KDM5B: variants seen among roughly 807,000 people sequenced by gnomAD.
The protein encoded by KDM5B is lysine demethylase 5B.
KDM5B carries 144 observed loss-of-function variants against 193.4 expected under a neutral mutation model. The ratio of observed to expected loss-of-function variants is 0.74; its 90% confidence interval spans 0.65 to 0.86. KDM5B has a LOEUF of 0.86. KDM5B is among the 40% of genes least tolerant of loss of function. The pLI is 0.00. For synonymous variants in KDM5B, 668 were observed against 682.6 expected (o/e 0.98, Z 0.33); for missense variants, 1,833 against 1,886.9 (o/e 0.97, Z 0.53).
chr1:202,748,869 ATGATAT>A lies in KDM5B; in HGVS notation c.2016+70_2016+75del. The A allele has an allele frequency of 4.2e-6, 5 of 1,179,646 alleles. No homozygotes were observed. The South Asian group carries it at 7.5e-5, about 18-fold the overall frequency. The allele number at this position is 1,179,646 out of a possible 1,614,324, so 73.1% of individuals were successfully genotyped here. ...ATAGGCTTTAAAAAGACTGCTTAAA[ATGATAT>A]TAAAGTGCGTAAAAATTTTACTAAA... On this transcript the variant is annotated intron_variant, in intron 14 of 26. Coordinates refer to ENST00000367265, the MANE Select transcript of KDM5B (RefSeq NM_006618.5).
chr1:202,804,085 A>T (rs1326380549), intron 1 of KDM5B, among the ~76,000 whole-genome samples: 2 of 152,046 alleles, frequency 1.3e-5, no homozygotes, highest in African/African-American at 2.4e-5. Context: ...AGTATAATTT[A>T]AAAAAAGGAA....
intron 19 of KDM5B, 59 bp from the exon 20 acceptor site, chr1:202,740,871 G>A: frequency 1.3e-6 from 2 of 1,510,048 alleles, no homozygotes; most frequent in Admixed American, 2.1e-5. Flanking sequence ...TTTTCTTATG[G>A]TTACCAAAAA....
chr1:202,800,890 T>C (rs996354152), intron 1 of KDM5B, among the ~76,000 whole-genome samples: 4 of 152,200 alleles, frequency 2.6e-5, no homozygotes, highest in African/African-American at 4.8e-5. Context: ...TCCCAACAAA[T>C]GTGTAACAAA....
chr1:202,774,177 A>G (rs1461792384), intron 3 of KDM5B, among the ~76,000 whole-genome samples: 3 of 152,260 alleles, frequency 2.0e-5, no homozygotes, highest in Non-Finnish European at 4.4e-5. Flanking sequence ...CAAGGCTTCA[A>G]GACCTGATGA....
intron 16 of KDM5B, among the ~76,000 whole-genome samples, 173 bp from the exon 17 acceptor site, chr1:202,742,978 G>C (rs1053919947): frequency 6.6e-6 from 1 of 152,144 alleles, no homozygotes; most frequent in Non-Finnish European, 1.5e-5. Context: ...CAGGGTGGTG[G>C]CTGAACACGG....
chr1:202,730,328 AAG>A (rs1007155031), intron 25 of KDM5B, among the ~76,000 whole-genome samples: 40 of 152,164 alleles, frequency 2.6e-4, no homozygotes, highest in Non-Finnish European at 5.9e-5. Flanking sequence ...GGTGCCCACT[AAG>A]AGTCTTCCTT....
Position 202,758,424 on chromosome 1 carries a change from C to T in KDM5B, c.1164G>A (p.Ala388=), listed in dbSNP as rs775461292. 1.9e-5 allele frequency: 31 copies of T among 1,612,958 alleles called. No individual in the cohort carries two copies. Among genetic ancestry groups the T allele is most frequent in the Non-Finnish European group, 2.3e-5 (27 of 1,179,286 alleles). ...TLRTFGEMAD[A]FKSDYFNMPV... ...GCATGTTGAAGTAATCAGATTTGAACGCATCTGCCATTTCCCCAAAAGTAC... is the reference window on the plus strand; with the variant it reads ...GCATGTTGAAGTAATCAGATTTGAATGCATCTGCCATTTCCCCAAAAGTAC... Residue 388 remains alanine, a synonymous_variant, in exon 9 of 27, where the codon GCG becomes GCA. Transcript: ENST00000367265.
chr1:202,807,706 T>C (rs1351663500), intron 1 of KDM5B, among the ~76,000 whole-genome samples: 2 of 108,630 alleles, frequency 1.8e-5, no homozygotes, highest in African/African-American at 7.1e-5. Flanking sequence ...AGGACCAGCC[T>C]GCCGAGCCTC....
At chr1:202,789,454 G>T (rs751722987) in intron 1 of KDM5B, among the ~76,000 whole-genome samples, 5 of 149,938 alleles carry the variant, frequency 3.3e-5, no homozygotes, top group Non-Finnish European at 5.9e-5. Context: ...CCAGGAGGCA[G>T]AGGTTGCAAA....
At chr1:202,773,432 CAT>C (rs1020225473) in intron 3 of KDM5B, 144 bp from the exon 4 acceptor site, 3 of 598,912 alleles carry the variant, frequency 5.0e-6, no homozygotes, top group Non-Finnish European at 5.8e-6. Context: ...CACACACACA[CAT>C]ATATATACAC....
At chr1:202,758,261 T>TA (rs1306759255) in intron 9 of KDM5B, 130 bp downstream of exon 9, 5 of 620,656 alleles carry the variant, frequency 8.1e-6, no homozygotes, top group African/African-American at 1.9e-5. Context: ...CAAAACAAAT[T>TA]AAAGTTTCAT....
intron 19 of KDM5B, 94 bp downstream of exon 19, chr1:202,741,273 C>T (rs754646566): frequency 4.7e-5 from 39 of 821,338 alleles, no homozygotes; most frequent in Non-Finnish European, 6.2e-5. Flanking sequence ...ACCGCAGCTA[C>T]TGAGCACTTG....
chr1:202,733,372 A>G, intron 23 of KDM5B, 29 bp downstream of exon 23: 5 of 1,600,688 alleles, frequency 3.1e-6, no homozygotes, highest in Non-Finnish European at 3.4e-6. Flanking sequence ...GCAAATTCCA[A>G]TAACCCAACA....
At chr1:202,787,288 G>A (rs1342647916) in intron 1 of KDM5B, among the ~76,000 whole-genome samples, 1 of 152,120 alleles carries the variant, frequency 6.6e-6, no homozygotes, top group African/African-American at 2.4e-5. Flanking sequence ...TGAGATTACA[G>A]GTGTGAGCCA....
At chr1:202,757,993 T>G (rs1656085056) in intron 9 of KDM5B, among the ~76,000 whole-genome samples, 1 of 152,212 alleles carries the variant, frequency 6.6e-6, no homozygotes, top group African/African-American at 2.4e-5. Flanking sequence ...CTGAAATTTA[T>G]AATACTAACT....
At chr1:202,801,007 T>C (rs927037517) in intron 1 of KDM5B, among the ~76,000 whole-genome samples, 13 of 152,212 alleles carry the variant, frequency 8.5e-5, no homozygotes, top group Non-Finnish European at 7.3e-5. Context: ...ATTGCCCAAA[T>C]GTCACTTATA....
intron 1 of KDM5B, among the ~76,000 whole-genome samples, chr1:202,789,585 G>C (rs1398085932): frequency 7.0e-6 from 1 of 142,650 alleles, no homozygotes; most frequent in Non-Finnish European, 1.5e-5. Flanking sequence ...AAGGGGAAAG[G>C]AAAGGAGGAA....
At position 202,741,621 on chromosome 1, in the gene KDM5B, G is replaced by A. The variant is rs766144868; in HGVS notation, c.2691C>T (p.Ser897=). 14 of 1,614,156 alleles carry A rather than the reference G, an allele frequency of 8.7e-6. No individual in the cohort carries two copies. The South Asian group carries it at 1.5e-4, about 18-fold the overall frequency. Residue 897 remains serine, a synonymous_variant, in exon 19 of 27, where the codon AGC becomes AGT. Coordinates refer to ENST00000367265, the MANE Select transcript of KDM5B (RefSeq NM_006618.5). The part of the protein sequence containing the change: ...AAELQDLLDV[S]FEFDVELPQL... ...GTGGAAGTTCAACATCAAATTCAAA[G>A]CTGACATCTAGCAAGTCCTGCAGCT...
At chr1:202,751,713 A>C (rs1655799312) in intron 12 of KDM5B, among the ~76,000 whole-genome samples, 1 of 152,208 alleles carries the variant, frequency 6.6e-6, no homozygotes, top group Non-Finnish European at 1.5e-5. Context: ...TTATCTGTAT[A>C]AACATTATCT....
Sources: allele counts gnomAD v4.1 joint callset (sites outside exome capture counted in the v4.1 genomes callset), GRCh38; gene constraint gnomAD v4.1.1; transcripts MANE v1.5; gene names NCBI Gene and HGNC (gene_info 2026-07-23, HGNC 2026-07-21).